The following ENPEP variants were observed in gnomAD, a reference collection of about 807,000 sequenced individuals.
ENPEP encodes AP-A.
ENPEP carries 103 observed loss-of-function variants against 114.5 expected under a neutral mutation model. The observed-to-expected ratio is 0.90, with a 90% CI of 0.77 to 1.06. The LOEUF is 1.06. Among genes scored for constraint, ENPEP ranks in the 50% least tolerant of loss-of-function variants. The pLI is 0.00. For missense variants in ENPEP, 1,196 were observed against 1,161.3 expected (o/e 1.03, Z -0.43); for synonymous variants, 420 against 422.0 (o/e 1.00, Z 0.06).
intron 11 of ENPEP, chr4:110,533,140 T>G (rs1301281861): frequency 2.2e-6 from 1 of 445,056 alleles, no homozygotes; most frequent in Non-Finnish European, 4.5e-6. Context: ...TGTTTACAAG[T>G]TTGAAAGCGT....
chr4:110,512,291 A>G lies in ENPEP; in HGVS notation c.1309-1124A>G, dbSNP rs1036835214. Among the ~76,000 whole-genome samples, 4 of 152,328 alleles carry G rather than the reference A, an allele frequency of 2.6e-5. No individual in the cohort carries two copies. The East Asian group carries it at 7.7e-4, about 29-fold the overall frequency. ...AAATGATAGAATTTTCCAACATCAC[A>G]GAGATAGGTGGTAGCAAAATCCAAA... is the stretch of plus-strand genomic sequence containing the variant. On this transcript the variant is annotated intron_variant, in intron 6 of 19. Coordinates refer to ENST00000265162, the MANE Select transcript of ENPEP (RefSeq NM_001977.4).
chr4:110,531,564 T>A (rs1191370755), intron 11 of ENPEP, among the ~76,000 whole-genome samples: 1 of 151,588 alleles, frequency 6.6e-6, no homozygotes, highest in African/African-American at 2.4e-5. Flanking sequence ...GTAAGTTTCC[T>A]TCCTTCCTTC....
chr4:110,553,031 A>G (rs1369192691), intron 17 of ENPEP, among the ~76,000 whole-genome samples: 3 of 152,150 alleles, frequency 2.0e-5, no homozygotes, highest in Non-Finnish European at 2.9e-5. Context: ...ATTAAAAACA[A>G]TGTGTTTTAA....
chr4:110,553,384 C>T lies in ENPEP; in HGVS notation c.2571C>T (p.Ile857=), dbSNP rs372953285. Residue 857 remains isoleucine (I), a synonymous_variant, in exon 18 of 20, where the codon ATC becomes ATT. Transcript: ENST00000265162. ...ATGTGTTTACAGTCATTCGATATAT[C>T]TCATATAACAGCTATGGGAAGAACA... is the stretch of plus-strand genomic sequence containing the variant. ...TQDVFTVIRY[I]SYNSYGKNMA... 2.2e-5 allele frequency: 35 copies of T among 1,611,354 alleles called. No individual in the cohort carries two copies. In the African/African-American group the frequency reaches 2.7e-4, roughly 12 times the overall value.
At position 110,510,351 on chromosome 4, in the gene ENPEP, G is replaced by A; in HGVS notation, c.1301G>A (p.Trp434Ter). The A allele has an allele frequency of 6.2e-7, 1 of 1,612,978 alleles. No individual in the cohort carries two copies. The highest frequency in any genetic ancestry group is 1.1e-5 in the South Asian group (1 of 91,052). The change falls in exon 6 of 20, where the codon TGG becomes TAG. Residue 434 changes from tryptophan (W) to a stop codon, truncating the protein, a stop_gained. Transcript: ENST00000265162. LOFTEE classifies it high-confidence loss of function. ...FLGVNHAETD[W>*]QMRDQMLLED... is the part of the protein sequence containing the mutation. ...GGAGTAAACCATGCAGAAACAGACT[G>A]GCAAATGGTGAGTCCTAAACACATA...
chr4:110,550,897 A>G (rs1041951211), intron 17 of ENPEP, among the ~76,000 whole-genome samples: 1 of 152,040 alleles, frequency 6.6e-6, no homozygotes, highest in Admixed American at 6.6e-5. Context: ...ATATACCTTC[A>G]GCCTCTTTCC....
chr4:110,479,480 G>C (rs1165749973), intron 1 of ENPEP, among the ~76,000 whole-genome samples: 1 of 152,098 alleles, frequency 6.6e-6, no homozygotes, highest in East Asian at 1.9e-4. Flanking sequence ...GTATGTCTGT[G>C]TATATATGTG....
At chr4:110,512,430 A>G (rs999446954) in intron 6 of ENPEP, 2 of 152,216 alleles carry the variant, frequency 1.3e-5, no homozygotes, top group African/African-American at 4.8e-5. Context: ...CTTCCTAGGT[A>G]TACAAAAATC....
chr4:110,486,824 A>G (rs1724520615), intron 1 of ENPEP, among the ~76,000 whole-genome samples: 1 of 152,204 alleles, frequency 6.6e-6, no homozygotes, highest in South Asian at 2.1e-4. Flanking sequence ...GAGAAAGAGT[A>G]ATTCACACAG....
At chr4:110,507,958 C>T (rs1456192723) in intron 4 of ENPEP, among the ~76,000 whole-genome samples, 2 of 152,034 alleles carry the variant, frequency 1.3e-5, no homozygotes, top group Admixed American at 1.3e-4. Context: ...TGACAGAAGA[C>T]CTCATCTCAA....
At chr4:110,553,085 T>G (rs939095938) in intron 17 of ENPEP, among the ~76,000 whole-genome samples, 1 of 152,164 alleles carries the variant, frequency 6.6e-6, no homozygotes. Flanking sequence ...TTAAATGTTT[T>G]ATAGTTTACA....
At position 110,513,536 on chromosome 4, in the gene ENPEP, T is replaced by C; in HGVS notation, c.1430T>C (p.Ile477Thr). ...PDEITSVFDG[I>T]SYSKGSSILR... ...GAAATAACATCTGTTTTTGATGGAA[T>C]ATCCTATAGCAAGGTGGGAGAAATA... is the stretch of plus-strand genomic sequence containing the variant. The change falls in exon 7 of 20, where the codon ATA becomes ACA. Residue 477 changes from isoleucine (I) to threonine (T), a missense_variant. Physicochemically the swap from Ile to Thr is moderately conservative, Grantham distance 89. Coordinates refer to ENST00000265162, the MANE Select transcript of ENPEP (RefSeq NM_001977.4). 1 of 1,612,932 alleles carries C rather than the reference T, an allele frequency of 6.2e-7. No individual in the cohort carries two copies. The highest frequency in any genetic ancestry group is 8.5e-7 in the Non-Finnish European group (1 of 1,179,388).
intron 11 of ENPEP, among the ~76,000 whole-genome samples, chr4:110,534,885 C>G (rs962397507): frequency 6.6e-6 from 1 of 152,004 alleles, no homozygotes; most frequent in African/African-American, 2.4e-5. Context: ...TCCTGTCCAC[C>G]CTATTATCAA....
intron 10 of ENPEP, 82 bp downstream of exon 10, chr4:110,520,448 C>A: frequency 7.2e-7 from 1 of 1,392,280 alleles, no homozygotes; most frequent in Non-Finnish European, 1.0e-6. Flanking sequence ...TTGTTGAGTA[C>A]ATGATGGATG....
chr4:110,528,334 G>A (rs1726275779), intron 10 of ENPEP, among the ~76,000 whole-genome samples: 1 of 152,082 alleles, frequency 6.6e-6, no homozygotes, highest in African/African-American at 2.4e-5. Context: ...TATAGCAAAA[G>A]GATTCTTCTT....
intron 5 of ENPEP, 94 bp from the exon 6 acceptor site, chr4:110,510,151 C>A: frequency 9.8e-7 from 1 of 1,018,186 alleles, no homozygotes; most frequent in Non-Finnish European, 1.5e-6. Context: ...ACAGTGACAA[C>A]ATTGGCACGG....
intron 18 of ENPEP, among the ~76,000 whole-genome samples, chr4:110,556,784 T>C (rs1230798786): frequency 6.6e-6 from 1 of 152,194 alleles, no homozygotes; most frequent in Non-Finnish European, 1.5e-5. Flanking sequence ...TTTTTATGTA[T>C]CTTTGTTAAT....
chr4:110,521,722 A>G (rs1725997227), intron 10 of ENPEP, among the ~76,000 whole-genome samples: 1 of 152,146 alleles, frequency 6.6e-6, no homozygotes, highest in African/African-American at 2.4e-5. Flanking sequence ...AACCTGAAAG[A>G]TTAGATTTCT....
At chr4:110,506,801 G>C (rs752618182) in intron 4 of ENPEP, 44 bp downstream of exon 4, 8 of 1,379,852 alleles carry the variant, frequency 5.8e-6, no homozygotes, top group African/African-American at 1.5e-5. Context: ...TATTGCCTTT[G>C]TTTTTATCTA....
Sources: allele counts gnomAD v4.1 joint callset (sites outside exome capture counted in the v4.1 genomes callset), GRCh38; gene constraint gnomAD v4.1.1; transcripts MANE v1.5; gene names NCBI Gene and HGNC (gene_info 2026-07-23, HGNC 2026-07-21).